Variants in TANC2 observed in about 807,000 individuals in gnomAD.
TANC2 encodes protein TANC2.
A neutral mutation model predicts 210.5 loss-of-function variants in TANC2; 26 were observed. The ratio of observed to expected loss-of-function variants is 0.12; its 90% CI spans 0.09 to 0.17. TANC2 has a LOEUF of 0.17. TANC2 is among the 10% of genes least tolerant of loss of function. TANC2 has a pLI of 1.00. For synonymous variants in TANC2, 931 were observed against 967.1 expected, an observed-to-expected ratio of 0.96 and a Z score of 0.69; for missense variants, 2,129 against 2,608.9, an observed-to-expected ratio of 0.82 and a Z score of 4.01.
At chr17:63,187,564 TAC>T (rs1442825664) in intron 5 of TANC2, among the ~76,000 whole-genome samples, 6 of 152,024 alleles carry the variant, frequency 3.9e-5, no homozygotes, top group Non-Finnish European at 8.8e-5. Flanking sequence ...TATATATATA[TAC>T]ATATATGTGT....
chr17:63,340,767 A>G (rs2046202791), intron 12 of TANC2, among the ~76,000 whole-genome samples: 1 of 152,234 alleles, frequency 6.6e-6, no homozygotes, highest in African/African-American at 2.4e-5. Context: ...CCATGGTTAC[A>G]CAATGCTCTG....
At chr17:63,182,874 A>G (rs189954751) in intron 5 of TANC2, 1 of 152,522 alleles carries the variant, frequency 6.6e-6, no homozygotes, top group African/African-American at 2.4e-5. Context: ...CATAACAAGT[A>G]ACTCAACACA....
chr17:63,120,480 C>G (rs2038419794), intron 4 of TANC2, among the ~76,000 whole-genome samples: 1 of 152,100 alleles, frequency 6.6e-6, no homozygotes, highest in South Asian at 2.1e-4. Context: ...CAATTTCAAA[C>G]TAGTTTGACA....
At chr17:63,156,264 GA>G (rs1197308287) in intron 5 of TANC2, among the ~76,000 whole-genome samples, 1 of 152,052 alleles carries the variant, frequency 6.6e-6, no homozygotes, top group East Asian at 1.9e-4. Context: ...TAAAATTGAT[GA>G]GCTTTGGGGG....
At chr17:63,372,345 GGCT>G (rs1435013560) in intron 14 of TANC2, among the ~76,000 whole-genome samples, 1 of 152,100 alleles carries the variant, frequency 6.6e-6, no homozygotes. Flanking sequence ...CTTCTCTTCT[GGCT>G]GCAAAGGTAG....
chr17:63,213,545 C>A (rs1461105256), intron 7 of TANC2, among the ~76,000 whole-genome samples: 1 of 152,090 alleles, frequency 6.6e-6, no homozygotes, highest in Admixed American at 6.5e-5. Context: ...TTCCAGAAAT[C>A]AGGATAAGTA....
chr17:63,153,140 A>G (rs921215425), intron 5 of TANC2: 4 of 152,194 alleles, frequency 2.6e-5, no homozygotes, highest in African/African-American at 9.6e-5. Context: ...TGAAGCTATT[A>G]TCTCTACATA....
At chr17:63,204,205 C>A (rs1255260660) in intron 7 of TANC2, among the ~76,000 whole-genome samples, 1 of 150,666 alleles carries the variant, frequency 6.6e-6, no homozygotes, top group Non-Finnish European at 1.5e-5. Context: ...GATGAAAAAT[C>A]CAAAAAGAAA....
At chr17:63,345,117 T>C (rs2046358089) in intron 12 of TANC2, among the ~76,000 whole-genome samples, 1 of 152,122 alleles carries the variant, frequency 6.6e-6, no homozygotes, top group Non-Finnish European at 1.5e-5. Flanking sequence ...CTATTCAATA[T>C]AGCAACAAAT....
chr17:63,194,119 G>A (rs2041269120), exon 6 of TANC2: 1 of 1,613,050 alleles, frequency 6.2e-7, no homozygotes, highest in Admixed American at 1.7e-5. Flanking sequence ...ATACAGCATG[G>A]AAGTACAGGA....
chr17:63,411,944 A>G, intron 22 of TANC2, 54 bp from the exon 23 acceptor site: 1 of 1,599,658 alleles, frequency 6.3e-7, no homozygotes, highest in South Asian at 1.1e-5. Flanking sequence ...CCTCGGTGGA[A>G]CAGTGCTGAG....
chr17:63,009,813 C>T (rs922747977), intron 2 of TANC2, among the ~76,000 whole-genome samples, 187 bp downstream of exon 2: 21 of 151,962 alleles, frequency 1.4e-4, no homozygotes, highest in Middle Eastern at 6.8e-3. Context: ...CAGGAATAGT[C>T]GAAAGAAAGG....
chr17:63,392,259 T>C (rs2048005044), intron 17 of TANC2, among the ~76,000 whole-genome samples: 1 of 152,214 alleles, frequency 6.6e-6, no homozygotes, highest in African/African-American at 2.4e-5. Flanking sequence ...TTTTGAGCTG[T>C]AGTTTCACAT....
At chr17:63,263,578 T>G (rs752553649) in intron 8 of TANC2, among the ~76,000 whole-genome samples, 3 of 152,248 alleles carry the variant, frequency 2.0e-5, no homozygotes, top group Non-Finnish European at 4.4e-5. Context: ...GTTGTATTTA[T>G]TCTTGAAATT....
intron 3 of TANC2, among the ~76,000 whole-genome samples, chr17:63,079,244 A>G (rs1334751905): frequency 6.6e-6 from 1 of 152,172 alleles, no homozygotes; most frequent in East Asian, 1.9e-4. Context: ...CCAGAAAGAG[A>G]AGACTTATTT....
chr17:63,356,657 A>G (rs1030302733), intron 14 of TANC2, among the ~76,000 whole-genome samples: 16 of 152,328 alleles, frequency 1.1e-4, no homozygotes, highest in Middle Eastern at 3.4e-3. Flanking sequence ...TTAAAGAAAC[A>G]TGCTGTAGTG....
At chr17:63,393,042 G>C (rs1278245591) in intron 17 of TANC2, among the ~76,000 whole-genome samples, 1 of 152,140 alleles carries the variant, frequency 6.6e-6, no homozygotes, top group Non-Finnish European at 1.5e-5. Context: ...TTTTGCATTA[G>C]AGAATCCAGG....
At chr17:63,269,501 T>G (rs977551193) in intron 9 of TANC2, among the ~76,000 whole-genome samples, 1 of 152,172 alleles carries the variant, frequency 6.6e-6, no homozygotes, top group Admixed American at 6.6e-5. Flanking sequence ...ATCTGCCACA[T>G]TGGCATCATC....
At chr17:63,306,729 A>T (rs543513966) in intron 9 of TANC2, among the ~76,000 whole-genome samples, 1 of 152,300 alleles carries the variant, frequency 6.6e-6, no homozygotes, top group Non-Finnish European at 1.5e-5. Context: ...CCAAGGTAAG[A>T]TCACTTGAGG....
Sources: allele counts gnomAD v4.1 joint callset (sites outside exome capture counted in the v4.1 genomes callset), GRCh38; gene constraint gnomAD v4.1.1; transcripts MANE v1.5; gene names NCBI Gene and HGNC (gene_info 2026-07-23, HGNC 2026-07-21).